GMDS: variants seen among roughly 807,000 people sequenced by gnomAD.
The protein encoded by GMDS is GDP-mannose 4,6-dehydratase, also known as GDP-mannose 4,6 dehydratase.
In GMDS, 20 loss-of-function variants were observed where a neutral mutation model predicts 49.9. The ratio of observed to expected loss-of-function variants is 0.40; its 90% confidence interval spans 0.28 to 0.58. The LOEUF is 0.58. Ranked by LOEUF, GMDS falls within the 20% of genes least tolerant of loss-of-function variation. The pLI, the probability that GMDS is intolerant of heterozygous loss-of-function variation, is 0.42. For missense variants in GMDS, 362 were observed against 481.4 expected (o/e 0.75, Z 2.32); for synonymous variants, 177 against 178.6 (o/e 0.99, Z 0.07).
intron 7 of GMDS, among the ~76,000 whole-genome samples, chr6:1,772,230 C>T (rs967814151): frequency 1.1e-4 from 16 of 152,156 alleles, no homozygotes; most frequent in Admixed American, 9.2e-4. Flanking sequence ...TGAGCTCTCT[C>T]TTTTTTAACC....
chr6:2,048,988 A>T (rs937907812), intron 4 of GMDS, among the ~76,000 whole-genome samples: 1 of 152,074 alleles, frequency 6.6e-6, no homozygotes, highest in Admixed American at 6.5e-5. Context: ...TCCACATGGG[A>T]TTCGTGCCCT....
At chr6:1,964,781 A>C (rs2127304374) in intron 4 of GMDS, among the ~76,000 whole-genome samples, 1 of 152,098 alleles carries the variant, frequency 6.6e-6, no homozygotes, top group South Asian at 2.1e-4. Flanking sequence ...GCACCCAGTA[A>C]CTCGTCATTT....
intron 7 of GMDS, among the ~76,000 whole-genome samples, chr6:1,861,339 T>C (rs1045850916): frequency 3.3e-5 from 5 of 152,136 alleles, no homozygotes; most frequent in Admixed American, 3.3e-4. Flanking sequence ...AAGAATGGTT[T>C]GCATAATGAA....
chr6:1,758,570 C>A (rs748381632), intron 7 of GMDS, among the ~76,000 whole-genome samples: 6 of 152,210 alleles, frequency 3.9e-5, no homozygotes, highest in Non-Finnish European at 7.3e-5. Context: ...GCACTGCAAT[C>A]CTCTGGAAGA....
chr6:2,049,716 T>TA (rs1562005959), intron 4 of GMDS, among the ~76,000 whole-genome samples: 1 of 152,144 alleles, frequency 6.6e-6, no homozygotes, highest in Non-Finnish European at 1.5e-5. Context: ...ATAAAAAGGT[T>TA]AGAGCGATGC....
rs552584272 is a variant in GMDS, at chr6:1,662,905, G to A, written c.988-38365C>T. Among the ~76,000 whole-genome samples, 6 of 152,296 alleles carry A rather than the reference G, an allele frequency of 3.9e-5. No homozygotes were observed. The East Asian group carries it at 1.2e-3, about 29-fold the overall frequency. On this transcript the variant is annotated intron_variant, in intron 9 of 10. Transcript: ENST00000380815. ...ATAAAGAATGAGCACAGATTCAGAA[G>A]CAAAACTTCCATAGTGCATGAATCC...
At chr6:2,201,134 A>C (rs1480612636) in intron 1 of GMDS, among the ~76,000 whole-genome samples, 9 of 88,130 alleles carry the variant, frequency 1.0e-4, no homozygotes, top group South Asian at 4.3e-4. Context: ...GCACCACATG[A>C]GCATCCGAGA....
At chr6:1,990,220 C>T (rs537224488) in intron 4 of GMDS, among the ~76,000 whole-genome samples, 4 of 152,088 alleles carry the variant, frequency 2.6e-5, no homozygotes, top group African/African-American at 4.8e-5. Context: ...CGCTTGAACC[C>T]GGGAGGCGGA....
chr6:2,155,650 G>A (rs1000984101), intron 1 of GMDS, among the ~76,000 whole-genome samples: 12 of 152,088 alleles, frequency 7.9e-5, no homozygotes, highest in African/African-American at 2.2e-4. Context: ...CAGGCACCAC[G>A]TTCACAGGAG....
intron 7 of GMDS, among the ~76,000 whole-genome samples, chr6:1,870,063 G>A (rs1490035044): frequency 2.0e-5 from 3 of 152,238 alleles, no homozygotes; most frequent in South Asian, 4.1e-4. Flanking sequence ...GCCTTCCTGG[G>A]CAGATAGGAA....
At chr6:2,127,761 C>T (rs960011714) in intron 1 of GMDS, among the ~76,000 whole-genome samples, 2 of 152,210 alleles carry the variant, frequency 1.3e-5, no homozygotes, top group Non-Finnish European at 2.9e-5. Flanking sequence ...CCAGGAGAGA[C>T]GTGGTATCTG....
intron 4 of GMDS, among the ~76,000 whole-genome samples, chr6:1,997,507 CAAAA>C (rs542421435): frequency 8.1e-5 from 5 of 61,616 alleles, no homozygotes; most frequent in Non-Finnish European, 1.3e-4. Flanking sequence ...GACTCTGTCT[CAAAA>C]AAAAAAAAAA....
In GMDS at chr6:1,738,387, T is replaced by C. The variant is rs78584432; in HGVS notation, c.890+4081A>G. On this transcript the variant is annotated intron_variant, in intron 8 of 10. Transcript: ENST00000380815. ...CTCAAATTAATGTGCTATTTTCTAA[T>C]AAATGCAAAACAAAAATTATTCAAA... 7.4e-4 allele frequency among the ~76,000 whole-genome samples: 112 copies of C among 152,338 alleles called. No individual in the cohort carries two copies. In the East Asian group the frequency reaches 0.013, roughly 18 times the overall value.
intron 4 of GMDS, among the ~76,000 whole-genome samples, chr6:2,025,070 C>A (rs777026062): frequency 6.6e-6 from 1 of 151,788 alleles, no homozygotes; most frequent in Non-Finnish European, 1.5e-5. Flanking sequence ...ACTATAATGG[C>A]AGTGAGAGAT....
At chr6:2,218,793 G>A (rs940136777) in intron 1 of GMDS, among the ~76,000 whole-genome samples, 6 of 152,148 alleles carry the variant, frequency 3.9e-5, no homozygotes, top group African/African-American at 1.2e-4. Context: ...CCTGAAATTA[G>A]AGTTAATTAT....
chr6:1,889,982 T>A (rs1368270100), intron 7 of GMDS, among the ~76,000 whole-genome samples: 1 of 152,222 alleles, frequency 6.6e-6, no homozygotes. Flanking sequence ...TATGGATGAA[T>A]TACATTTTAT....
At chr6:1,663,839 CATGGCACAGATCTCCTCCTGACATGTTA>C (rs1764159899) in intron 9 of GMDS, among the ~76,000 whole-genome samples, 1 of 152,116 alleles carries the variant, frequency 6.6e-6, no homozygotes, top group South Asian at 2.1e-4. Context: ...TATTTTTCTT[CATGGCACAGATCTCCTCCTGACATGTTA>C]TTAACATGTT....
intron 4 of GMDS, among the ~76,000 whole-genome samples, chr6:2,087,566 A>T (rs1248608852): frequency 6.6e-6 from 1 of 152,226 alleles, no homozygotes. Context: ...TTTCATCTTC[A>T]CTATTCAAAT....
At chr6:1,748,048 C>T (rs2113511027) in intron 7 of GMDS, among the ~76,000 whole-genome samples, 1 of 152,294 alleles carries the variant, frequency 6.6e-6, no homozygotes, top group African/African-American at 2.4e-5. Flanking sequence ...CATTCTATAT[C>T]AACACCATAT....
Sources: allele counts gnomAD v4.1 joint callset (sites outside exome capture counted in the v4.1 genomes callset), GRCh38; gene constraint gnomAD v4.1.1; transcripts MANE v1.5; gene names NCBI Gene and HGNC (gene_info 2026-07-23, HGNC 2026-07-21).